The following STIM1 variants were observed in gnomAD, a reference collection of about 807,000 sequenced individuals.
STIM1 encodes stromal interaction molecule 1.
STIM1 carries 25 observed loss-of-function variants against 74.7 expected under a neutral mutation model. That is an observed-to-expected ratio of 0.33 (90% confidence interval 0.24 to 0.47). The LOEUF (loss-of-function observed/expected upper bound fraction) is 0.47. Ranked by LOEUF, STIM1 falls within the 20% of genes least tolerant of loss-of-function variation. The pLI is 1.00. For synonymous variants in STIM1, 328 were observed against 348.8 expected (o/e 0.94, Z 0.66); for missense variants, 728 against 920.8 (o/e 0.79, Z 2.71).
At chr11:4,071,943 T>A (rs2094406178) in intron 6 of STIM1, among the ~76,000 whole-genome samples, 1 of 152,210 alleles carries the variant, frequency 6.6e-6, no homozygotes, top group African/African-American at 2.4e-5. Context: ...AAGAGGGGTC[T>A]GATCTCTAAG....
chr11:3,885,361 A>AT lies in STIM1; in HGVS notation c.139+28958dup, dbSNP rs781187885. 9.2e-5 allele frequency among the ~76,000 whole-genome samples: 14 copies of AT among 151,720 alleles called. No individual in the cohort carries two copies. In the South Asian group the frequency reaches 1.7e-3, roughly 18 times the overall value. ...GGCCAATTTTTGTATTATTATTATT[A>AT]TTTTTTGTAGAGACAGGGTTTTGCC... On this transcript the variant is annotated intron_variant, in intron 1 of 12. Transcript: ENST00000526596.
At chr11:4,005,176 G>A (rs1158452535) in intron 2 of STIM1, among the ~76,000 whole-genome samples, 6 of 152,134 alleles carry the variant, frequency 3.9e-5, no homozygotes, top group South Asian at 2.1e-4. Flanking sequence ...TCAGTGTGGC[G>A]ACTCCTCAGG....
chr11:4,061,692 G>T (rs2094331960), intron 5 of STIM1, among the ~76,000 whole-genome samples: 1 of 152,080 alleles, frequency 6.6e-6, no homozygotes, highest in South Asian at 2.1e-4. Context: ...ACATGTACAT[G>T]CATTTTCATA....
intron 1 of STIM1, among the ~76,000 whole-genome samples, chr11:3,893,694 T>A (rs1239857152): frequency 6.6e-6 from 1 of 151,556 alleles, no homozygotes. Flanking sequence ...TGTAGCCCAG[T>A]CACCCAGGCT....
At chr11:3,967,706 T>A (rs2093352780) in intron 2 of STIM1, 24 bp downstream of exon 2, 1 of 1,613,970 alleles carries the variant, frequency 6.2e-7, no homozygotes, top group Admixed American at 1.7e-5. Context: ...TCCTGCTATG[T>A]CTCTCTTTTC....
intron 2 of STIM1, among the ~76,000 whole-genome samples, chr11:4,006,988 G>A (rs1590642371): frequency 1.3e-5 from 2 of 152,286 alleles, no homozygotes; most frequent in East Asian, 3.9e-4. Flanking sequence ...CTCTTCTCTG[G>A]TGGATCAAGC....
At chr11:3,946,425 T>C (rs1243949600) in intron 1 of STIM1, among the ~76,000 whole-genome samples, 1 of 152,202 alleles carries the variant, frequency 6.6e-6, no homozygotes, top group Non-Finnish European at 1.5e-5. Flanking sequence ...TATAGTGAGC[T>C]AAACCCAGAG....
Position 3,856,295 on chromosome 11 carries a change from C to A in STIM1, c.25C>A (p.Leu9Met). 1 of 1,614,190 alleles carries A rather than the reference C, an allele frequency of 6.2e-7. No homozygotes were observed. The highest frequency in any genetic ancestry group is 8.5e-7 in the Non-Finnish European group (1 of 1,180,030). The part of the protein sequence containing the change: MDVCVRLA[L>M]WLLWGLLLHQ... The stretch of plus-strand genomic sequence containing the variant: ...CATGGATGTATGCGTCCGTCTTGCC[C>A]TGTGGCTCCTCTGGGGACTCCTCCT... Residue 9 changes from leucine to methionine, a missense_variant, in exon 1 of 13, where the codon CTG becomes ATG. Physicochemically the swap from Leu to Met is conservative, Grantham distance 15 (BLOSUM62 2). Around this residue, in one of 5 missense-constraint regions of STIM1, gnomAD observed 62 missense variants for 55.5 expected, o/e 1.12. Transcript: ENST00000526596.
At chr11:4,062,696 A>G (rs1448853050) in intron 5 of STIM1, among the ~76,000 whole-genome samples, 1 of 152,238 alleles carries the variant, frequency 6.6e-6, no homozygotes. Flanking sequence ...TCAATGGCCA[A>G]TATACACCTG....
At chr11:3,923,798 G>A (rs2092750834) in intron 1 of STIM1, among the ~76,000 whole-genome samples, 1 of 151,952 alleles carries the variant, frequency 6.6e-6, no homozygotes, top group Admixed American at 6.6e-5. Flanking sequence ...AGTTTATCAG[G>A]TTGTTGTTCT....
chr11:3,900,640 C>A (rs2092324342), intron 1 of STIM1, among the ~76,000 whole-genome samples: 1 of 152,198 alleles, frequency 6.6e-6, no homozygotes, highest in Non-Finnish European at 1.5e-5. Context: ...GGCTAGAGTG[C>A]AGGTTTGCGA....
chr11:3,882,256 C>A (rs553311908), intron 1 of STIM1, among the ~76,000 whole-genome samples: 1 of 151,686 alleles, frequency 6.6e-6, no homozygotes, highest in Non-Finnish European at 1.5e-5. Context: ...TGCGCCACCA[C>A]GCCCAGCTAA....
rs531666789 is a variant in STIM1 at position 3,859,414 on chromosome 11, T to G, written c.139+3005T>G. On this transcript the variant is annotated intron_variant, in intron 1 of 12. Transcript: ENST00000526596. ...ACTCTGGGGCTTGCGTTTCTGAAGC[T>G]GGCCTGATACGGATGCTTGGAACCG... 3.5e-3 allele frequency among the ~76,000 whole-genome samples: 531 copies of G among 152,330 alleles called. 8 individuals are homozygous for G. Among genetic ancestry groups the G allele is most frequent in the Middle Eastern group, 0.014 (4 of 294 alleles).
intron 2 of STIM1, among the ~76,000 whole-genome samples, chr11:4,015,715 C>T (rs2093889763): frequency 6.6e-6 from 1 of 152,142 alleles, no homozygotes; most frequent in South Asian, 2.1e-4. Context: ...TCACATAGTC[C>T]CATATTTCTT....
rs150348726 is a variant in STIM1, at chr11:4,037,334, A to C, written c.385+13347A>C. 1.9e-4 allele frequency among the ~76,000 whole-genome samples: 29 copies of C among 152,312 alleles called. No individual in the cohort carries two copies. In the East Asian group the frequency reaches 5.4e-3, roughly 28 times the overall value. ...ACAAAGTACTGGAATTACAGGCGTG[A>C]GCCACTGCATCCAGCCTGCATACTT... is the stretch of plus-strand genomic sequence containing the variant. On this transcript the variant is annotated intron_variant, in intron 3 of 12. Coordinates refer to ENST00000526596, the MANE Select transcript of STIM1 (RefSeq NM_001382567.1).
At chr11:3,949,940 G>A (rs925435928) in intron 1 of STIM1, among the ~76,000 whole-genome samples, 11 of 151,896 alleles carry the variant, frequency 7.2e-5, no homozygotes, top group Non-Finnish European at 1.2e-4. Flanking sequence ...AACCACTCCC[G>A]TCTCCTTTCA....
intron 5 of STIM1, among the ~76,000 whole-genome samples, chr11:4,063,810 T>C (rs2094347988): frequency 6.6e-6 from 1 of 152,180 alleles, no homozygotes; most frequent in South Asian, 2.1e-4. Context: ...TTTTCTCAGG[T>C]GTGTTTTATG....
intron 1 of STIM1, among the ~76,000 whole-genome samples, chr11:3,895,345 A>T (rs1203126781): frequency 6.6e-6 from 1 of 152,098 alleles, no homozygotes; most frequent in Admixed American, 6.6e-5. Flanking sequence ...CCTCCAAGAG[A>T]TTGGTCTTCT....
intron 3 of STIM1, among the ~76,000 whole-genome samples, chr11:4,036,925 A>G (rs1401551789): frequency 6.6e-6 from 1 of 152,214 alleles, no homozygotes; most frequent in Non-Finnish European, 1.5e-5. Flanking sequence ...AGTAACTATC[A>G]TCGGAGTGAA....
Sources: gnomAD v4.1 joint callset for allele counts (sites outside exome capture counted in the v4.1 genomes callset) on GRCh38, gnomAD v4.1.1 for gene constraint, gnomAD v4.1.1 regional missense constraint, MANE v1.5 for transcripts, NCBI Gene and HGNC (gene_info 2026-07-23, HGNC 2026-07-21) for gene names.